P3H1: variants seen among roughly 807,000 people sequenced by gnomAD.
P3H1 encodes prolyl 3-hydroxylase 1, also known as growth suppressor 1.
In P3H1, 69 loss-of-function variants were observed where a neutral mutation model predicts 84.0. The observed-to-expected ratio is 0.82, with a 90% confidence interval of 0.68 to 1.00. The LOEUF is 1.00. P3H1 is among the 50% of genes least tolerant of loss of function. The pLI, the probability that P3H1 is intolerant of heterozygous loss-of-function variation, is 0.00. For synonymous variants in P3H1, 366 were observed against 388.8 expected (o/e 0.94, Z 0.69); for missense variants, 878 against 962.8 (o/e 0.91, Z 1.17).
At chr1:42,763,303 TTTAC>T (rs1475059414) in intron 1 of P3H1, among the ~76,000 whole-genome samples, 1 of 152,030 alleles carries the variant, frequency 6.6e-6, no homozygotes, top group Non-Finnish European at 1.5e-5. Context: ...TCTAAGGTCC[TTTAC>T]TAAGTCCAGA....
Position 42,748,442 on chromosome 1 carries a change from G to A in P3H1, c.1721-125C>T, listed in dbSNP as rs1352974251. 9 of 795,962 alleles carry A rather than the reference G, an allele frequency of 1.1e-5. No homozygotes were observed. The East Asian group carries it at 1.7e-4, about 15-fold the overall frequency. 49.3% of individuals were successfully genotyped at this position (795,962 alleles called of 1,614,324 possible). A position where few individuals can be genotyped will look rare whatever the true frequency, so the allele number is the denominator to read the frequency against. On this transcript the variant is annotated intron_variant, in intron 11 of 14. Coordinates refer to ENST00000296388, the MANE Select transcript of P3H1 (RefSeq NM_022356.4). ...ACGGAATGCCCAATGAACTAGGGGG[G>A]TGTCTTTGGCTAAGCCACAAGCCTA...
intron 11 of P3H1, among the ~76,000 whole-genome samples, chr1:42,749,420 C>T (rs1651910312): frequency 6.6e-6 from 1 of 152,196 alleles, no homozygotes; most frequent in South Asian, 2.1e-4. Flanking sequence ...ACTAGCTGAA[C>T]CTCTCCCCTT....
At chr1:42,760,159 T>C (rs1449120611) in intron 2 of P3H1, 1 of 150,874 alleles carries the variant, frequency 6.6e-6, no homozygotes, top group Non-Finnish European at 1.5e-5. Context: ...TAATTTTGTG[T>C]TTTTAGTAGA....
Position 42,756,597 on chromosome 1 carries a change from G to A in P3H1, c.1081-960C>T, listed in dbSNP as rs72956929. ...ATATTTACCTAAGAGGAAGAGAGAC[G>A]TTTTCTCTTCAGGAGTTTACATTAC... On this transcript the variant is annotated intron_variant, in intron 5 of 14. Coordinates refer to ENST00000296388, the MANE Select transcript of P3H1 (RefSeq NM_022356.4). 6.0e-3 allele frequency: 932 copies of A among 154,464 alleles called. 12 individuals are homozygous for A. The highest frequency in any genetic ancestry group is 0.022 in the African/African-American group (897 of 41,622). The allele number at this position is 154,464 out of a possible 1,614,324, so 9.6% of individuals were successfully genotyped here.
At chr1:42,763,442 G>T (rs888640103) in intron 1 of P3H1, among the ~76,000 whole-genome samples, 3 of 150,832 alleles carry the variant, frequency 2.0e-5, no homozygotes, top group Admixed American at 2.0e-4. Flanking sequence ...GAGGCCGAAG[G>T]GGGCAGATCT....
At position 42,747,361 on chromosome 1, in the gene P3H1, C is replaced by T. The variant is rs1651784305; in HGVS notation, c.1966G>A (p.Glu656Lys). The change falls in exon 14 of 15, where the codon GAA becomes AAA. Residue 656 changes from glutamate (E) to lysine (K), a missense_variant. Physicochemically the swap from Glu to Lys is moderately conservative, Grantham distance 56. Coordinates refer to ENST00000296388, the MANE Select transcript of P3H1 (RefSeq NM_022356.4). ...ACAGCCTTCACTCCATGTGGGTTTT[C>T]AGTGCCTGAAGAGAATCCCACGGCT... Reference protein sequence around the residue: ...GRAVGFSSGTENPHGVKAVTR... With the variant: ...GRAVGFSSGTKNPHGVKAVTR... The T allele has an allele frequency of 6.2e-7, 1 of 1,610,084 alleles. No homozygotes were observed. Among genetic ancestry groups the T allele is most frequent in the Non-Finnish European group, 8.5e-7 (1 of 1,177,878 alleles).
intron 1 of P3H1, among the ~76,000 whole-genome samples, chr1:42,765,813 G>C (rs916286882): frequency 6.6e-6 from 1 of 151,978 alleles, no homozygotes; most frequent in African/African-American, 2.4e-5. Context: ...GGGCAAATGC[G>C]TTAATAAATG....
At chr1:42,748,716 C>A in intron 11 of P3H1, 2 of 293,904 alleles carry the variant, frequency 6.8e-6, no homozygotes, top group Non-Finnish European at 6.8e-6. Flanking sequence ...GGCTGAGTGG[C>A]AGGAAGTGGG....
At chr1:42,747,214 G>A (rs553572814) in intron 14 of P3H1, 58 bp downstream of exon 14, 10 of 1,614,158 alleles carry the variant, frequency 6.2e-6, no homozygotes, top group South Asian at 4.4e-5. Context: ...AACCAAGGGC[G>A]CTCTGGGAAC....
chr1:42,748,134 G>T lies in P3H1; in HGVS notation c.1838+66C>A, dbSNP rs59442926. The T allele has an allele frequency of 4.7e-3, 5,476 of 1,174,530 alleles. 197 individuals are homozygous for T. The African/African-American group carries it at 0.075, about 16-fold the overall frequency. 72.8% of individuals were successfully genotyped at this position (1,174,530 alleles called of 1,614,324 possible). On this transcript the variant is annotated intron_variant, in intron 12 of 14. Coordinates refer to ENST00000296388, the MANE Select transcript of P3H1 (RefSeq NM_022356.4). ...GTGTGCTAGGGTGGGGTAGTAGAGT[G>T]CAGGGCACTGTGGGGCCTCTGAGGA...
intron 4 of P3H1, 35 bp from the exon 5 acceptor site, chr1:42,757,957 G>C: frequency 6.3e-7 from 1 of 1,592,294 alleles, no homozygotes; most frequent in Non-Finnish European, 8.6e-7. Flanking sequence ...TGAGAGGAAA[G>C]AGTCAAAAGG....
chr1:42,758,713 G>C, intron 4 of P3H1, 139 bp downstream of exon 4: 1 of 1,034,228 alleles, frequency 9.7e-7, no homozygotes, highest in South Asian at 1.3e-5. Flanking sequence ...ACTACCCAGG[G>C]ATCACTTGGC....
chr1:42,764,590 C>G (rs570545932), intron 1 of P3H1, among the ~76,000 whole-genome samples: 7 of 152,180 alleles, frequency 4.6e-5, no homozygotes, highest in African/African-American at 1.7e-4. Flanking sequence ...CTAGCTATCT[C>G]CTAGCATTGT....
At chr1:42,762,782 G>A (rs1280818119) in intron 1 of P3H1, among the ~76,000 whole-genome samples, 3 of 152,174 alleles carry the variant, frequency 2.0e-5, no homozygotes, top group African/African-American at 7.2e-5. Flanking sequence ...TGCTGTGAAA[G>A]ACTGACTGCC....
intron 11 of P3H1, chr1:42,748,850 G>A (rs1651875728): frequency 1.4e-5 from 3 of 215,616 alleles, no homozygotes; most frequent in Non-Finnish European, 2.8e-5. Context: ...ACTGTCAAAT[G>A]CCAGGCAGAC....
intron 1 of P3H1, 76 bp from the exon 2 acceptor site, chr1:42,762,551 C>T (rs1652778519): frequency 6.5e-7 from 1 of 1,530,522 alleles, no homozygotes; most frequent in African/African-American, 1.4e-5. Context: ...GAGCAGTCCA[C>T]ATAAACAGGA....
rs1348446019 is a variant in P3H1 at position 42,766,584 on chromosome 1, G to C, written c.388C>G (p.His130Asp). The C allele has an allele frequency of 1.2e-6, 2 of 1,610,718 alleles. No individual in the cohort carries two copies. The highest frequency in any genetic ancestry group is 8.5e-7 in the Non-Finnish European group (1 of 1,178,974). The change falls in exon 1 of 15, where the codon CAC becomes GAC. Residue 130 changes from histidine to aspartate, a missense_variant. His to Asp is a moderately conservative substitution (Grantham distance 81). Coordinates refer to ENST00000296388, the MANE Select transcript of P3H1 (RefSeq NM_022356.4). ...LRRCLGPPAA[H>D]SLSEEMELEF... ...AGCTCCATCTCTTCGCTGAGCGAGT[G>C]GGCGGCCGGCGGCCCGAGGCAGCGG...
At position 42,762,358 on chromosome 1, in the gene P3H1, C is replaced by T. The variant is rs572061025; in HGVS notation, c.583G>A (p.Ala195Thr). Residue 195 changes from alanine (A) to threonine (T), a missense_variant, in exon 2 of 15, where the codon GCC (alanine) becomes ACC (threonine). Physicochemically the swap from Ala to Thr is moderately conservative, Grantham distance 58. Transcript: ENST00000296388. ...TGAGTCTCAAGATCCTTGAAGTCGG[C>T]CTCCTTCACTCCAGACATGGTTTGG... ...YYQTMSGVKE[A>T]DFKDLETQPH... is the part of the protein sequence containing the mutation. 1.2e-6 allele frequency: 2 copies of T among 1,614,108 alleles called. No individual in the cohort carries two copies. Among genetic ancestry groups the T allele is most frequent in the East Asian group, 4.5e-5 (2 of 44,884 alleles).
At position 42,746,781 on chromosome 1, in the gene P3H1, CTGCTCCTGGGAG is replaced by C; in HGVS notation, c.2115_2126del (p.Ser706_Gln709del). The C allele has an allele frequency of 3.2e-6, 5 of 1,569,044 alleles. No homozygotes were observed. Among genetic ancestry groups the C allele is most frequent in the Non-Finnish European group, 1.7e-6 (2 of 1,156,800 alleles). ...GGGGGCCCTGCTGGGCATCCAGGGGCTGCTCCTGGGAGAGGTCCATCTCTTCTGGGCTGAAGA... is the reference window on the plus strand; with the variant it reads ...GGGGGCCCTGCTGGGCATCCAGGGGCAGGTCCATCTCTTCTGGGCTGAAGA... On this transcript the variant is annotated inframe_deletion, in exon 15 of 15. Coordinates refer to ENST00000296388, the MANE Select transcript of P3H1 (RefSeq NM_022356.4).
Sources: allele counts gnomAD v4.1 joint callset (sites outside exome capture counted in the v4.1 genomes callset), GRCh38; gene constraint gnomAD v4.1.1; transcripts MANE v1.5; gene names NCBI Gene and HGNC (gene_info 2026-07-23, HGNC 2026-07-21).